RBL1: variants seen among roughly 807,000 people sequenced by gnomAD.
The protein encoded by RBL1 is RB transcriptional corepressor like 1.
Under a neutral mutation model 123.0 loss-of-function variants are expected in RBL1, and 82 were observed. The ratio of observed to expected loss-of-function variants is 0.67; its 90% confidence interval spans 0.56 to 0.80. The LOEUF is 0.80. RBL1 is among the 30% of genes least tolerant of loss of function. The pLI is 0.00. For missense variants in RBL1, 1,171 were observed against 1,299.6 expected (o/e 0.90, Z 1.52); for synonymous variants, 405 against 441.3 (o/e 0.92, Z 1.03).
rs765641488 is a variant in RBL1, at chr20:37,055,646, T to C, written c.1374A>G (p.Val458=). 1 of 1,610,532 alleles carries C rather than the reference T, an allele frequency of 6.2e-7. No individual in the cohort carries two copies. Among genetic ancestry groups the C allele is most frequent in the Non-Finnish European group, 8.5e-7 (1 of 1,178,720 alleles). ...AAATTTCTGCCAGCTTTAGTCTGTT[T>C]ACAGCAAAGTCTATCAGGGAAATAC... ...EQPGSHIDFA[V]NRLKLAEILY... is the part of the protein sequence containing the mutation. Residue 458 remains valine (V), a synonymous_variant, in exon 11 of 22, where the codon GTA becomes GTG. Transcript: ENST00000373664.
At chr20:37,092,307 AT>A (rs1392689455) in intron 1 of RBL1, among the ~76,000 whole-genome samples, 1 of 152,142 alleles carries the variant, frequency 6.6e-6, no homozygotes, top group Non-Finnish European at 1.5e-5. Flanking sequence ...TATTGTTTCG[AT>A]TTTTTTAAAG....
intron 16 of RBL1, among the ~76,000 whole-genome samples, chr20:37,030,511 C>G (rs895800637): frequency 6.6e-6 from 1 of 151,200 alleles, no homozygotes; most frequent in African/African-American, 2.4e-5. Flanking sequence ...CTTAAGCTCA[C>G]GAGTTGAGAC....
At chr20:37,065,089 G>A (rs536751596) in intron 7 of RBL1, among the ~76,000 whole-genome samples, 10 of 151,854 alleles carry the variant, frequency 6.6e-5, no homozygotes, top group South Asian at 2.1e-4. Context: ...ACACCACTAC[G>A]TCTGGCTGAT....
At position 37,084,641 on chromosome 20, in the gene RBL1, T is replaced by C. The variant is rs967741574; in HGVS notation, c.290+4348A>G. ...TGAGCCTGTGATGTCTAGGCTGTAG[T>C]GAGCTGTGATCACACCACTACACTC... On this transcript the variant is annotated intron_variant, in intron 2 of 21. Coordinates refer to ENST00000373664, the MANE Select transcript of RBL1 (RefSeq NM_002895.5). 2.0e-5 allele frequency among the ~76,000 whole-genome samples: 3 copies of C among 152,190 alleles called. No homozygotes were observed. The South Asian group carries it at 6.2e-4, about 32-fold the overall frequency.
In RBL1 at chr20:37,033,020, T is replaced by C. The variant is rs1305803602; in HGVS notation, c.2171-144A>G. 7 of 333,788 alleles carry C rather than the reference T, an allele frequency of 2.1e-5. No homozygotes were observed. In the East Asian group the frequency reaches 4.6e-4, roughly 22 times the overall value. 20.7% of individuals were successfully genotyped at this position (333,788 alleles called of 1,614,324 possible). On this transcript the variant is annotated intron_variant, in intron 15 of 21. Coordinates refer to ENST00000373664, the MANE Select transcript of RBL1 (RefSeq NM_002895.5). The stretch of plus-strand genomic sequence containing the variant: ...TAATTCTAGGTTATGACTGAATTCT[T>C]TTTTTTTTTTTTTTTGAGACAGGGT...
chr20:37,022,608 T>G, intron 17 of RBL1, 42 bp downstream of exon 17: 16 of 1,551,364 alleles, frequency 1.0e-5, no homozygotes, highest in African/African-American at 1.4e-5. Flanking sequence ...ATTATACGTG[T>G]GAGCCACCAT....
rs929234287 is a variant in RBL1 at position 37,009,524 on chromosome 20, AT to A, written c.2723-1966del. 9.3e-5 allele frequency among the ~76,000 whole-genome samples: 14 copies of A among 150,832 alleles called. No individual in the cohort carries two copies. In the East Asian group the frequency reaches 2.3e-3, roughly 25 times the overall value. ...AGGTGCACGCTGCCACACCGAGCTA[AT>A]TTTTTTTTACTTTTTGTAGAGACAG... On this transcript the variant is annotated intron_variant, in intron 19 of 21. Coordinates refer to ENST00000373664, the MANE Select transcript of RBL1 (RefSeq NM_002895.5).
intron 19 of RBL1, among the ~76,000 whole-genome samples, chr20:37,011,907 G>A (rs111408064): frequency 0.022 from 3,282 of 152,142 alleles, 54 homozygotes; most frequent in Middle Eastern, 0.034. Flanking sequence ...CTCTTTCCAC[G>A]GTCTCCCTCT....
intron 7 of RBL1, among the ~76,000 whole-genome samples, chr20:37,063,929 C>T (rs911508520): frequency 4.6e-5 from 7 of 151,196 alleles, no homozygotes; most frequent in Non-Finnish European, 8.8e-5. Context: ...TTCAAATGAT[C>T]CTCCCACCTC....
intron 9 of RBL1, among the ~76,000 whole-genome samples, chr20:37,060,210 A>C (rs181035918): frequency 2.4e-4 from 37 of 151,336 alleles, no homozygotes; most frequent in South Asian, 6.2e-4. Context: ...ATAAATAAAT[A>C]AATCCATTTT....
At chr20:37,036,166 A>C (rs1459719661) in intron 14 of RBL1, among the ~76,000 whole-genome samples, 1 of 152,140 alleles carries the variant, frequency 6.6e-6, no homozygotes, top group Non-Finnish European at 1.5e-5. Context: ...TACCAGCTGC[A>C]CGGGTTTTTC....
At chr20:37,065,636 CTTTT>C (rs977260616) in intron 6 of RBL1, among the ~76,000 whole-genome samples, 163 bp from the exon 7 acceptor site, 1 of 147,926 alleles carries the variant, frequency 6.8e-6, no homozygotes, top group South Asian at 2.2e-4. Context: ...ATGCAAATAA[CTTTT>C]TTTTTTAACT....
chr20:37,005,878 TTTTTTTTTTTTCTTTC>T (rs1322901879), intron 20 of RBL1, among the ~76,000 whole-genome samples: 103 of 129,288 alleles, frequency 8.0e-4, no homozygotes, highest in African/African-American at 3.6e-3. Context: ...CCTTCTTTTC[TTTTTTTTTTTTCTTTC>T]TTTTTTTTTT....
chr20:37,032,908 G>T, intron 15 of RBL1, 32 bp from the exon 16 acceptor site: 1 of 1,610,120 alleles, frequency 6.2e-7, no homozygotes, highest in East Asian at 2.2e-5. Flanking sequence ...GAAATAATCT[G>T]CATATGTTCT....
intron 2 of RBL1, among the ~76,000 whole-genome samples, chr20:37,070,457 A>T (rs552384342): frequency 6.6e-6 from 1 of 152,102 alleles, no homozygotes; most frequent in East Asian, 1.9e-4. Flanking sequence ...AACACCCGAG[A>T]ATTATCAATA....
chr20:37,029,440 C>T (rs2064472123), intron 16 of RBL1, among the ~76,000 whole-genome samples: 1 of 152,122 alleles, frequency 6.6e-6, no homozygotes, highest in Non-Finnish European at 1.5e-5. Context: ...AGTGCAAAAA[C>T]ATGTTGTTCA....
chr20:37,067,900 T>A, intron 3 of RBL1, 86 bp downstream of exon 3: 1 of 1,446,492 alleles, frequency 6.9e-7, no homozygotes. Flanking sequence ...GGAATACTTT[T>A]CATAAAAAAC....
rs545752967 is a variant in RBL1 at position 37,001,017 on chromosome 20, G to A, written c.3037-2088C>T. On this transcript the variant is annotated intron_variant, in intron 21 of 21. Coordinates refer to ENST00000373664, the MANE Select transcript of RBL1 (RefSeq NM_002895.5). ...GCCTGGCCAGCCGCCCCATCCGGGA[G>A]GGAGGTGGGGGGGGTCAGCCCCCCA... Among the ~76,000 whole-genome samples the A allele has an allele frequency of 5.6e-5, 8 of 142,962 alleles. No homozygotes were observed. In the East Asian group the frequency reaches 1.5e-3, roughly 27 times the overall value. 93.8% of individuals were successfully genotyped at this position (142,962 alleles called of 152,430 possible). A position where few individuals can be genotyped will look rare whatever the true frequency, so the allele number is the denominator to read the frequency against.
At chr20:37,041,685 T>C (rs1396373105) in intron 13 of RBL1, among the ~76,000 whole-genome samples, 8 of 152,132 alleles carry the variant, frequency 5.3e-5, no homozygotes, top group South Asian at 2.1e-4. Context: ...TATACAGACA[T>C]TTGAAAATTT....
Sources: gnomAD v4.1 joint callset for allele counts (sites outside exome capture counted in the v4.1 genomes callset) on GRCh38, gnomAD v4.1.1 for gene constraint, MANE v1.5 for transcripts, NCBI Gene and HGNC (gene_info 2026-07-23, HGNC 2026-07-21) for gene names.